Variants in FRMD5 observed in about 807,000 individuals in gnomAD.
FRMD5 encodes FERM domain-containing protein 5.
FRMD5 carries 20 observed loss-of-function variants against 69.0 expected under a neutral mutation model. The observed-to-expected ratio is 0.29, with a 90% CI of 0.20 to 0.42. The LOEUF is 0.42. Among genes scored for constraint, FRMD5 ranks in the 10% least tolerant of loss-of-function variants. FRMD5 has a pLI of 1.00. For synonymous variants in FRMD5, 271 were observed against 260.1 expected, an observed-to-expected ratio of 1.04 and a Z score of -0.40; for missense variants, 595 against 708.6, an observed-to-expected ratio of 0.84 and a Z score of 1.82.
chr15:44,156,094 G>A (rs557875267), intron 1 of FRMD5, among the ~76,000 whole-genome samples: 1 of 152,238 alleles, frequency 6.6e-6, no homozygotes, highest in African/African-American at 2.4e-5. Context: ...TTTAGTCTCA[G>A]TGAACTGAGG....
chr15:44,188,024 T>C (rs1450318185), intron 1 of FRMD5, among the ~76,000 whole-genome samples: 1 of 152,216 alleles, frequency 6.6e-6, no homozygotes, highest in Non-Finnish European at 1.5e-5. Flanking sequence ...CATGATGCTT[T>C]ATAGTTTGTT....
At chr15:43,902,323 A>C (rs916036341) in intron 6 of FRMD5, 61 bp from the exon 7 acceptor site, 3 of 1,334,014 alleles carry the variant, frequency 2.2e-6, no homozygotes, top group African/African-American at 1.4e-5. Context: ...CCCCTGAGGT[A>C]AACTCTCTAT....
chr15:43,874,400 T>C lies in FRMD5; in HGVS notation c.1198A>G (p.Thr400Ala). The C allele has an allele frequency of 6.2e-7, 1 of 1,614,190 alleles. No individual in the cohort carries two copies. Among genetic ancestry groups the C allele is most frequent in the Non-Finnish European group, 8.5e-7 (1 of 1,180,034 alleles). The change falls in exon 14 of 14, where the codon ACC becomes GCC. Residue 400 changes from threonine (T) to alanine (A), a missense_variant. Around this residue, in one of 5 missense-constraint regions of FRMD5, gnomAD observed 245 missense variants for 227.1 expected, o/e 1.08. Transcript: ENST00000417257. ...CTGCTTCTCACGTGAGGCAGGAAGG[T>C]GTCCCCATGGGAAGTGGAACGCACT... ...TPVRSTSHGD[T>A]FLPHVRSSRT...
intron 1 of FRMD5, among the ~76,000 whole-genome samples, chr15:44,023,400 C>G (rs1316850969): frequency 6.6e-6 from 1 of 152,100 alleles, no homozygotes; most frequent in Non-Finnish European, 1.5e-5. Flanking sequence ...GGCTCAGAGG[C>G]CAGACAAGTA....
At chr15:43,875,804 GTTT>G (rs34063043) in intron 13 of FRMD5, 138 of 210,560 alleles carry the variant, frequency 6.6e-4, no homozygotes, top group African/African-American at 1.2e-3. Flanking sequence ...CCTGGGCCTA[GTTT>G]TTTTTTTTTT....
At chr15:44,073,069 G>A (rs749774420) in intron 1 of FRMD5, among the ~76,000 whole-genome samples, 5 of 152,166 alleles carry the variant, frequency 3.3e-5, no homozygotes, top group Non-Finnish European at 7.4e-5. Context: ...GGGAGTTAAA[G>A]GTTAGAGTGA....
intron 1 of FRMD5, chr15:43,989,612 T>C (rs1889570152): frequency 3.5e-6 from 3 of 863,290 alleles, no homozygotes; most frequent in Admixed American, 1.7e-5. Context: ...GGTGAGGACC[T>C]TCATGAGGTA....
At chr15:44,120,219 G>C (rs2076927518) in intron 1 of FRMD5, among the ~76,000 whole-genome samples, 1 of 152,142 alleles carries the variant, frequency 6.6e-6, no homozygotes, top group Non-Finnish European at 1.5e-5. Context: ...CTGAGTTTTA[G>C]AAAGATCTCT....
Position 43,884,711 on chromosome 15 carries a change from G to A in FRMD5, c.1028+16C>T, listed in dbSNP as rs775725148. ...CTGAGCTACAACTGTTTGGGGGGAA[G>A]CCCCTGGCAGCCTACCTGTGTATTT... On this transcript the variant is annotated intron_variant, in intron 12 of 13. Coordinates refer to ENST00000417257, the MANE Select transcript of FRMD5 (RefSeq NM_032892.5). 6.2e-7 allele frequency: 1 copy of A among 1,611,542 alleles called. No individual in the cohort carries two copies. Among genetic ancestry groups the A allele is most frequent in the East Asian group, 2.2e-5 (1 of 44,864 alleles).
At chr15:44,069,469 T>C (rs1893441644) in intron 1 of FRMD5, among the ~76,000 whole-genome samples, 1 of 151,826 alleles carries the variant, frequency 6.6e-6, no homozygotes, top group African/African-American at 2.4e-5. Flanking sequence ...TGTTATACCA[T>C]GGAATACTAC....
At chr15:43,991,928 T>C (rs537487462) in intron 1 of FRMD5, among the ~76,000 whole-genome samples, 3 of 152,348 alleles carry the variant, frequency 2.0e-5, no homozygotes, top group East Asian at 3.9e-4. Flanking sequence ...AAGAAAACCA[T>C]GTGTCAGAAA....
At chr15:44,083,428 AT>A (rs1894071319) in intron 1 of FRMD5, among the ~76,000 whole-genome samples, 1 of 152,008 alleles carries the variant, frequency 6.6e-6, no homozygotes, top group Non-Finnish European at 1.5e-5. Context: ...ATGTGTTTAA[AT>A]TTGGAGGACA....
intron 1 of FRMD5, among the ~76,000 whole-genome samples, chr15:44,168,480 T>C (rs2140520919): frequency 6.6e-6 from 1 of 152,356 alleles, no homozygotes; most frequent in East Asian, 1.9e-4. Context: ...AAGATTCCTG[T>C]CTTTAATTCT....
intron 1 of FRMD5, among the ~76,000 whole-genome samples, chr15:43,948,019 G>A (rs1383655044): frequency 6.6e-6 from 1 of 152,080 alleles, no homozygotes; most frequent in Non-Finnish European, 1.5e-5. Flanking sequence ...TCTGTGTCAG[G>A]TACTGTGTTA....
At chr15:43,998,447 AGAGGCAAC>A (rs1890038423) in intron 1 of FRMD5, among the ~76,000 whole-genome samples, 1 of 152,188 alleles carries the variant, frequency 6.6e-6, no homozygotes, top group Non-Finnish European at 1.5e-5. Context: ...ATTAAAGGTA[AGAGGCAAC>A]ACTAGACATT....
chr15:43,968,621 T>C (rs2090330921), intron 1 of FRMD5, among the ~76,000 whole-genome samples: 3 of 152,218 alleles, frequency 2.0e-5, no homozygotes, highest in South Asian at 2.1e-4. Flanking sequence ...GTGGTTTAAA[T>C]AGAATGCCTT....
intron 1 of FRMD5, chr15:44,063,723 AAATGCCATCATCATCTTCCAAGAG>A (rs1386415330): frequency 3.0e-6 from 1 of 329,266 alleles, no homozygotes; most frequent in Non-Finnish European, 5.9e-6. Flanking sequence ...TCATCAATGG[AAATGCCATCATCATCTTCCAAGAG>A]AGAGATCCCA....
At chr15:43,879,506 A>G (rs2088464027) in intron 13 of FRMD5, 1 of 398,980 alleles carries the variant, frequency 2.5e-6, no homozygotes, top group African/African-American at 2.1e-5. Flanking sequence ...TACCTTGGAA[A>G]TGCTCCAGCT....
chr15:44,141,185 T>C (rs1041563839), intron 1 of FRMD5, among the ~76,000 whole-genome samples: 3 of 152,162 alleles, frequency 2.0e-5, no homozygotes, highest in Non-Finnish European at 2.9e-5. Flanking sequence ...CAAACATGAA[T>C]ACTTGATGGA....
Sources: allele counts gnomAD v4.1 joint callset (sites outside exome capture counted in the v4.1 genomes callset), GRCh38; gene constraint gnomAD v4.1.1; regional missense constraint gnomAD v4.1.1; transcripts MANE v1.5; gene names NCBI Gene and HGNC (gene_info 2026-07-23, HGNC 2026-07-21).